Variants in LCLAT1 observed in about 807,000 individuals in gnomAD.
The protein encoded by LCLAT1 is 1-AGP acyltransferase 8.
A neutral mutation model predicts 30.7 loss-of-function variants in LCLAT1; 11 were observed. That is an observed-to-expected ratio of 0.36 (90% confidence interval 0.23 to 0.59). LCLAT1 has a LOEUF of 0.59. Ranked by LOEUF, LCLAT1 falls within the 20% of genes least tolerant of loss-of-function variation. The pLI, the probability that LCLAT1 is intolerant of heterozygous loss-of-function variation, is 0.77. For synonymous variants in LCLAT1, 155 were observed against 151.3 expected (o/e 1.02, Z -0.18); for missense variants, 402 against 458.6 (o/e 0.88, Z 1.13).
chr2:30,470,235 G>T (rs1304277798), intron 1 of LCLAT1, among the ~76,000 whole-genome samples: 1 of 152,182 alleles, frequency 6.6e-6, no homozygotes, highest in African/African-American at 2.4e-5. Flanking sequence ...TTACAATAAT[G>T]AGGTAATCTA....
At chr2:30,633,398 G>A (rs1472088175) in intron 5 of LCLAT1, among the ~76,000 whole-genome samples, 1 of 152,124 alleles carries the variant, frequency 6.6e-6, no homozygotes, top group Non-Finnish European at 1.5e-5. Context: ...TCTTAAATAA[G>A]TTACATGTCG....
intron 1 of LCLAT1, among the ~76,000 whole-genome samples, chr2:30,509,915 G>A (rs1209706650): frequency 3.3e-5 from 5 of 152,188 alleles, no homozygotes; most frequent in Admixed American, 2.6e-4. Flanking sequence ...TGATGTGGAA[G>A]CCAAATGTGG....
At chr2:30,489,367 T>C (rs1014171001) in intron 1 of LCLAT1, 2 of 152,172 alleles carry the variant, frequency 1.3e-5, no homozygotes, top group African/African-American at 4.8e-5. Flanking sequence ...CTTTTTTTTT[T>C]TTTGAGACGG....
chr2:30,627,758 AC>A (rs930816120), intron 5 of LCLAT1, among the ~76,000 whole-genome samples: 1 of 152,324 alleles, frequency 6.6e-6, no homozygotes, highest in Admixed American at 6.5e-5. Flanking sequence ...TTTTAAAAAA[AC>A]ATTCTACTCT....
At chr2:30,502,479 C>G (rs1684447704) in intron 1 of LCLAT1, among the ~76,000 whole-genome samples, 1 of 151,940 alleles carries the variant, frequency 6.6e-6, no homozygotes, top group African/African-American at 2.4e-5. Context: ...ATTTTAGAAC[C>G]CCCCCTTCAT....
intron 1 of LCLAT1, among the ~76,000 whole-genome samples, chr2:30,495,807 T>C (rs1290298571): frequency 6.6e-6 from 1 of 152,196 alleles, no homozygotes; most frequent in Non-Finnish European, 1.5e-5. Flanking sequence ...CCTCATGGTT[T>C]TTCTAAAGAT....
intron 5 of LCLAT1, among the ~76,000 whole-genome samples, chr2:30,621,177 T>G (rs1213898489): frequency 6.6e-6 from 1 of 152,168 alleles, no homozygotes; most frequent in Non-Finnish European, 1.5e-5. Flanking sequence ...AATTTTAGGA[T>G]CAGTAACTAC....
intron 4 of LCLAT1, among the ~76,000 whole-genome samples, chr2:30,565,882 AC>A (rs1488491128): frequency 6.6e-6 from 1 of 152,164 alleles, no homozygotes; most frequent in Non-Finnish European, 1.5e-5. Context: ...GACTAAATGA[AC>A]AAAGCAGAAA....
chr2:30,616,162 G>T (rs1168633256), intron 5 of LCLAT1, among the ~76,000 whole-genome samples: 1 of 152,178 alleles, frequency 6.6e-6, no homozygotes, highest in African/African-American at 2.4e-5. Context: ...GAATTGCAAT[G>T]GTAAGTGAAC....
rs753362429 is a variant in LCLAT1 at position 30,525,642 on chromosome 2, T to A, written c.52T>A (p.Phe18Ile). 1 of 1,613,832 alleles carries A rather than the reference T, an allele frequency of 6.2e-7. No homozygotes were observed. The change falls in exon 2 of 6, where the codon TTT becomes ATT. Residue 18 changes from phenylalanine (F) to isoleucine (I), a missense_variant. Transcript: ENST00000379509. ...TATACTGACTCTGTTTTGGGGAAGC[T>A]TTTTTGGAAGCATTTTCATGCTGAG... ...YFILTLFWGSFFGSIFMLSPF... is the reference protein window; with the variant it reads ...YFILTLFWGSIFGSIFMLSPF...
intron 5 of LCLAT1, among the ~76,000 whole-genome samples, chr2:30,612,531 A>G (rs1448231304): frequency 6.6e-6 from 1 of 152,166 alleles, no homozygotes. Flanking sequence ...AAACATTATT[A>G]TCTCAGCTTG....
chr2:30,608,318 T>A (rs1667561785), intron 5 of LCLAT1, among the ~76,000 whole-genome samples: 1 of 151,786 alleles, frequency 6.6e-6, no homozygotes, highest in Admixed American at 6.6e-5. Flanking sequence ...AAAAAAAATT[T>A]ATAAGTTTAG....
intron 1 of LCLAT1, among the ~76,000 whole-genome samples, chr2:30,511,091 A>G (rs1409209164): frequency 3.3e-5 from 5 of 151,986 alleles, no homozygotes; most frequent in African/African-American, 1.2e-4. Flanking sequence ...CAGAAGTCTC[A>G]TTATCTGTTC....
intron 3 of LCLAT1, among the ~76,000 whole-genome samples, chr2:30,558,164 ATG>A (rs1178370013): frequency 2.0e-5 from 3 of 152,158 alleles, no homozygotes; most frequent in Admixed American, 6.5e-5. Context: ...GTATATGTGT[ATG>A]TGTGTGTGTC....
intron 5 of LCLAT1, among the ~76,000 whole-genome samples, chr2:30,588,426 C>A (rs1487065293): frequency 6.6e-6 from 1 of 152,222 alleles, no homozygotes; most frequent in Non-Finnish European, 1.5e-5. Flanking sequence ...CCATATCATT[C>A]ATGCACATAC....
chr2:30,611,172 TTA>T (rs913411992), intron 5 of LCLAT1, among the ~76,000 whole-genome samples: 1 of 151,770 alleles, frequency 6.6e-6, no homozygotes, highest in South Asian at 2.1e-4. Flanking sequence ...TTTGGTCCTT[TTA>T]TAGTCTTTCC....
intron 5 of LCLAT1, among the ~76,000 whole-genome samples, chr2:30,575,469 C>T (rs72858941): frequency 0.044 from 6,636 of 152,194 alleles, 505 homozygotes; most frequent in African/African-American, 0.15. Flanking sequence ...CAATTCTTCC[C>T]ACCCCCTTCA....
chr2:30,510,153 C>T (rs1684870396), intron 1 of LCLAT1, among the ~76,000 whole-genome samples: 1 of 151,920 alleles, frequency 6.6e-6, no homozygotes, highest in African/African-American at 2.4e-5. Context: ...CTGAAATCTC[C>T]CTTTCAGGAT....
intron 5 of LCLAT1, among the ~76,000 whole-genome samples, chr2:30,604,431 C>T (rs148202707): frequency 3.3e-4 from 50 of 152,152 alleles, no homozygotes; most frequent in African/African-American, 1.1e-3. Context: ...GCCATATGGT[C>T]GCTTTCCAAA....
Sources: gnomAD v4.1 joint callset for allele counts (sites outside exome capture counted in the v4.1 genomes callset) on GRCh38, gnomAD v4.1.1 for gene constraint, MANE v1.5 for transcripts, NCBI Gene and HGNC (gene_info 2026-07-23, HGNC 2026-07-21) for gene names.